DOCK11: variants seen among roughly 807,000 people sequenced by gnomAD.
The protein encoded by DOCK11 is dedicator of cytokinesis protein 11.
A neutral mutation model predicts 169.1 loss-of-function variants in DOCK11; 70 were observed. That is an observed-to-expected ratio of 0.41 (90% CI 0.34 to 0.51). The LOEUF is 0.51. Among genes scored for constraint, DOCK11 ranks in the 20% least tolerant of loss-of-function variants. DOCK11 has a pLI of 0.10. For synonymous variants in DOCK11, 529 were observed against 541.3 expected, an observed-to-expected ratio of 0.98 and a Z score of 0.32; for missense variants, 1,166 against 1,538.8, an observed-to-expected ratio of 0.76 and a Z score of 4.05.
At position 118,580,158 on chromosome X, in the gene DOCK11, T is replaced by C; in HGVS notation, c.1574T>C (p.Met525Thr). 8.3e-7 allele frequency: 1 copy of C among 1,208,700 alleles called. No individual in the cohort carries two copies. The highest frequency in any genetic ancestry group is 1.1e-6 in the Non-Finnish European group (1 of 894,097). Residue 525 changes from methionine (M) to threonine (T), a missense_variant, in exon 14 of 53, where the codon ATG becomes ACG. Coordinates refer to ENST00000276202, the MANE Select transcript of DOCK11 (RefSeq NM_144658.4). ...TGTAGCCGCCTTGGACAATACAGAA[T>C]GCCCTTCGCTTGGGCTGCCAGGTTT... ...QVCSRLGQYR[M>T]PFAWAARPIF...
chrX:118,503,965 C>T (rs35413733), intron 1 of DOCK11, among the ~76,000 whole-genome samples: 13,781 of 110,295 alleles, frequency 0.12, 658 homozygotes, highest in Middle Eastern at 0.19. Flanking sequence ...AGCAGTTGCC[C>T]TGAGGAGCAG....
intron 1 of DOCK11, among the ~76,000 whole-genome samples, chrX:118,497,242 T>G (rs2057544390): frequency 9.0e-6 from 1 of 110,587 alleles, no homozygotes; most frequent in South Asian, 4.1e-4. Context: ...GGAAGGGAAC[T>G]TCACAGCTTT....
At chrX:118,635,068 T>C (rs2015353805) in intron 35 of DOCK11, among the ~76,000 whole-genome samples, 1 of 112,191 alleles carries the variant, frequency 8.9e-6, no homozygotes, top group Non-Finnish European at 1.9e-5. Flanking sequence ...TTCAGTTTTA[T>C]TCTTGATGAT....
chrX:118,651,889 T>A, intron 41 of DOCK11, 75 bp from the exon 42 acceptor site: 1 of 695,267 alleles, frequency 1.4e-6, no homozygotes, highest in Non-Finnish European at 2.2e-6. Context: ...AGTGCTTATA[T>A]ACTTATAAAA....
At chrX:118,585,212 G>A in intron 16 of DOCK11, 95 bp downstream of exon 16, 2 of 782,976 alleles carry the variant, frequency 2.6e-6, no homozygotes, top group South Asian at 4.8e-5. Context: ...TGGCATATTA[G>A]TTTCCCAGGG....
intron 11 of DOCK11, 61 bp downstream of exon 11, chrX:118,572,524 A>G (rs1004508526): frequency 9.3e-6 from 10 of 1,077,366 alleles, no homozygotes; most frequent in Middle Eastern, 2.5e-4. Context: ...TGTCTTTCTC[A>G]AAATAATTTG....
Position 118,495,928 on chromosome X carries a change from G to A in DOCK11, c.-44G>A. The A allele has an allele frequency of 4.3e-6, 4 of 936,755 alleles. No homozygotes were observed. Among genetic ancestry groups the A allele is most frequent in the South Asian group, 5.2e-5 (2 of 38,636 alleles). 77.2% of individuals were successfully genotyped at this position (936,755 alleles called of 1,213,427 possible). ...GCCGGGGCAGTGAGTCCACCCGCCC[G>A]CCGAGGTCCGCCCGCCCGCCGAGAC... On this transcript the variant is annotated 5_prime_UTR_variant, in exon 1 of 53. Coordinates refer to ENST00000276202, the MANE Select transcript of DOCK11 (RefSeq NM_144658.4).
intron 40 of DOCK11, among the ~76,000 whole-genome samples, chrX:118,647,773 TATA>T (rs1455913898): frequency 3.6e-4 from 12 of 33,602 alleles, no homozygotes; most frequent in Admixed American, 5.4e-4. Context: ...TATTATAATA[TATA>T]ATAATATATA....
chrX:118,546,119 AGG>A lies in DOCK11; in HGVS notation c.558+4_558+5del, dbSNP rs1569412794. 9.2e-7 allele frequency: 1 copy of A among 1,090,564 alleles called. No homozygotes were observed. Among genetic ancestry groups the A allele is most frequent in the Non-Finnish European group, 1.2e-6 (1 of 804,125 alleles). The allele number at this position is 1,090,564 out of a possible 1,213,427, so 89.9% of individuals were successfully genotyped here. A position where few individuals can be genotyped will look rare whatever the true frequency, so the allele number is the denominator to read the frequency against. Reference sequence around the variant, plus strand: ...GTACCATCACAGTAACCATGAAGGTAGGAAGTAGTTATTATATTATTCCATCA... The same window carrying A: ...GTACCATCACAGTAACCATGAAGGTAAAGTAGTTATTATATTATTCCATCA... On this transcript the variant is annotated splice_donor_5th_base_variant and intron_variant, in intron 6 of 52. Coordinates refer to ENST00000276202, the MANE Select transcript of DOCK11 (RefSeq NM_144658.4).
At chrX:118,587,619 C>T (rs1386539611) in intron 16 of DOCK11, among the ~76,000 whole-genome samples, 2 of 111,134 alleles carry the variant, frequency 1.8e-5, no homozygotes, top group Admixed American at 9.6e-5. Context: ...TTTTCACGGT[C>T]GGGGTATTGA....
chrX:118,588,466 T>C lies in DOCK11; in HGVS notation c.2034T>C (p.Ala678=). The change falls in exon 18 of 53, where the codon GCT becomes GCC. Residue 678 remains alanine, a synonymous_variant. Coordinates refer to ENST00000276202, the MANE Select transcript of DOCK11 (RefSeq NM_144658.4). ...TCCGGGATTCAGATGAAAGTGACGC[T>C]AGTGCCCTAAAGGTTTGTTTATGAT... ...VEFRDSDESD[A]SALKCIYGKP... 8.4e-7 allele frequency: 1 copy of C among 1,187,909 alleles called. No homozygotes were observed. Among genetic ancestry groups the C allele is most frequent in the Non-Finnish European group, 1.1e-6 (1 of 884,269 alleles).
At chrX:118,564,295 G>A (rs1006734310) in intron 7 of DOCK11, among the ~76,000 whole-genome samples, 1 of 112,877 alleles carries the variant, frequency 8.9e-6, no homozygotes, top group African/African-American at 3.2e-5. Context: ...TGATACAGCA[G>A]TTTAATTTCA....
At chrX:118,502,295 A>G (rs1017146674) in intron 1 of DOCK11, among the ~76,000 whole-genome samples, 1 of 111,983 alleles carries the variant, frequency 8.9e-6, no homozygotes, top group Non-Finnish European at 1.9e-5. Flanking sequence ...AAATTTCACC[A>G]TGGGCTAGAC....
At chrX:118,640,325 T>C (rs1411679105) in intron 38 of DOCK11, among the ~76,000 whole-genome samples, 1 of 112,502 alleles carries the variant, frequency 8.9e-6, no homozygotes, top group South Asian at 3.6e-4. Flanking sequence ...AAACTGGCTT[T>C]GTGGTAAGAC....
At chrX:118,656,181 C>T (rs975122265) in intron 44 of DOCK11, among the ~76,000 whole-genome samples, 9 of 109,884 alleles carry the variant, frequency 8.2e-5, no homozygotes, top group African/African-American at 2.7e-4. Flanking sequence ...GTTCCAGCTA[C>T]GAAGGAGGGT....
intron 1 of DOCK11, among the ~76,000 whole-genome samples, chrX:118,524,946 C>A (rs1392605326): frequency 1.8e-5 from 2 of 110,855 alleles, no homozygotes; most frequent in Non-Finnish European, 3.8e-5. Context: ...GAGTTTGAGA[C>A]AAGCCTGGCC....
intron 38 of DOCK11, 133 bp from the exon 39 acceptor site, chrX:118,641,057 G>A: frequency 6.1e-6 from 3 of 490,217 alleles, no homozygotes; most frequent in Admixed American, 6.7e-5. Flanking sequence ...CCAAAGTGCT[G>A]GGATTACAGG....
intron 24 of DOCK11, among the ~76,000 whole-genome samples, chrX:118,606,456 C>T (rs1186937493): frequency 8.9e-6 from 1 of 112,418 alleles, no homozygotes; most frequent in Non-Finnish European, 1.9e-5. Context: ...CAGAATGTGG[C>T]CCCAAGCCAT....
At chrX:118,517,110 G>A (rs745749343) in intron 1 of DOCK11, among the ~76,000 whole-genome samples, 20 of 111,702 alleles carry the variant, frequency 1.8e-4, no homozygotes, top group Admixed American at 2.9e-4. Flanking sequence ...TGCTAGATGG[G>A]CACACTGGCT....
Sources: allele counts gnomAD v4.1 joint callset (sites outside exome capture counted in the v4.1 genomes callset), GRCh38; gene constraint gnomAD v4.1.1; transcripts MANE v1.5; gene names NCBI Gene and HGNC (gene_info 2026-07-23, HGNC 2026-07-21).